PCLO: variants seen among roughly 807,000 people sequenced by gnomAD.
PCLO encodes the protein piccolo presynaptic cytomatrix protein, also known as protein piccolo.
A neutral mutation model predicts 427.5 loss-of-function variants in PCLO; 82 were observed. The ratio of observed to expected loss-of-function variants is 0.19; its 90% confidence interval spans 0.16 to 0.23. The LOEUF (loss-of-function observed/expected upper bound fraction) is 0.23. PCLO is among the 10% of genes least tolerant of loss of function. The probability of loss-of-function intolerance (pLI) is 1.00; values close to 1 mark genes in which losing one functional copy is unlikely to be tolerated. For missense variants in PCLO, 6,239 were observed against 6,115.9 expected (o/e 1.02, Z -0.67); for synonymous variants, 2,357 against 2,155.4 (o/e 1.09, Z -2.59).
At chr7:83,105,158 T>C (rs891840572) in intron 3 of PCLO, among the ~76,000 whole-genome samples, 1 of 152,178 alleles carries the variant, frequency 6.6e-6, no homozygotes, top group Non-Finnish European at 1.5e-5. Context: ...ATGATCCTTA[T>C]GTTTAAATAA....
intron 3 of PCLO, among the ~76,000 whole-genome samples, chr7:82,986,924 T>C (rs973839689): frequency 3.9e-5 from 6 of 151,962 alleles, no homozygotes; most frequent in African/African-American, 1.4e-4. Context: ...AATGAAAATT[T>C]GCAAGGACAG....
At chr7:82,951,756 G>T (rs970447972) in intron 5 of PCLO, 100 bp downstream of exon 5, 41 of 1,464,174 alleles carry the variant, frequency 2.8e-5, no homozygotes, top group Non-Finnish European at 3.5e-5. Context: ...AAGAGAAAAA[G>T]TAACAAAACT....
At chr7:82,824,871 C>A (rs1003733391) in intron 18 of PCLO, among the ~76,000 whole-genome samples, 1 of 151,864 alleles carries the variant, frequency 6.6e-6, no homozygotes, top group Non-Finnish European at 1.5e-5. Flanking sequence ...ATGGCATGAA[C>A]CCAGGAGGCA....
At chr7:83,003,703 A>G (rs1340410061) in intron 3 of PCLO, among the ~76,000 whole-genome samples, 1 of 151,752 alleles carries the variant, frequency 6.6e-6, no homozygotes, top group African/African-American at 2.4e-5. Flanking sequence ...CCCCTTAAGT[A>G]TGCTGCTTGA....
chr7:83,046,425 C>T (rs563092421), intron 3 of PCLO, among the ~76,000 whole-genome samples: 2 of 152,038 alleles, frequency 1.3e-5, no homozygotes, highest in South Asian at 4.2e-4. Flanking sequence ...TAAAGAAATG[C>T]TAATTTTTAA....
chr7:82,786,657 G>A (rs1386304107), intron 22 of PCLO, among the ~76,000 whole-genome samples: 1 of 151,968 alleles, frequency 6.6e-6, no homozygotes, highest in African/African-American at 2.4e-5. Flanking sequence ...GTTTGTTATA[G>A]GTATACACGT....
At chr7:83,005,052 G>C (rs550602469) in intron 3 of PCLO, among the ~76,000 whole-genome samples, 1 of 141,908 alleles carries the variant, frequency 7.0e-6, no homozygotes, top group East Asian at 2.2e-4. Flanking sequence ...AAGATACATT[G>C]TAGGAGGGAA....
rs114102315 is a variant in PCLO at position 82,928,371 on chromosome 7, T to C, written c.11113-11498A>G. Among the ~76,000 whole-genome samples, 1,254 of 152,324 alleles carry C rather than the reference T, an allele frequency of 8.2e-3. 24 individuals are homozygous for C. Among genetic ancestry groups the C allele is most frequent in the African/African-American group, 0.027 (1,130 of 41,572 alleles). ...TCAGTGATTTAGGTCAATTTGTAGATAATCTTTATTTATATAACAGTGTCC... is the reference window on the plus strand; with the variant it reads ...TCAGTGATTTAGGTCAATTTGTAGACAATCTTTATTTATATAACAGTGTCC... On this transcript the variant is annotated intron_variant, in intron 6 of 24. Transcript: ENST00000333891.
Position 82,757,873 on chromosome 7 carries a change from T to A in PCLO, c.*702A>T, listed in dbSNP as rs1304819245. The A allele has an allele frequency of 6.6e-6, 1 of 152,050 alleles. No individual in the cohort carries two copies. Among genetic ancestry groups the A allele is most frequent in the African/African-American group, 2.4e-5 (1 of 41,436 alleles). The allele number at this position is 152,050 out of a possible 1,614,324, so 9.4% of individuals were successfully genotyped here. Reference sequence around the variant, plus strand: ...AATTTTATTTCTACTGAGTATTATCTTCACTCTACCTTGTTTCAAATGATA... The same window carrying A: ...AATTTTATTTCTACTGAGTATTATCATCACTCTACCTTGTTTCAAATGATA... On this transcript the variant is annotated 3_prime_UTR_variant, in exon 25 of 25. Coordinates refer to ENST00000333891, the MANE Select transcript of PCLO (RefSeq NM_033026.6).
intron 3 of PCLO, among the ~76,000 whole-genome samples, chr7:83,076,100 C>T (rs73707470): frequency 0.012 from 1,669 of 144,170 alleles, 37 homozygotes; most frequent in African/African-American, 0.042. Context: ...GCAGACCATT[C>T]CTACACACCA....
intron 9 of PCLO, among the ~76,000 whole-genome samples, chr7:82,896,528 G>C (rs979887014): frequency 6.6e-6 from 1 of 151,640 alleles, no homozygotes; most frequent in Admixed American, 6.6e-5. Flanking sequence ...AGCCTCAAAG[G>C]AGTCTTTGCA....
chr7:82,948,220 GT>G (rs1236640525), intron 6 of PCLO, among the ~76,000 whole-genome samples: 2 of 151,116 alleles, frequency 1.3e-5, no homozygotes, highest in African/African-American at 2.4e-5. Flanking sequence ...TACAACAGAG[GT>G]TTCCTGATTC....
At position 82,916,658 on chromosome 7, in the gene PCLO, C is replaced by G. The variant is rs780410473; in HGVS notation, c.11328G>C (p.Glu3776Asp). ...CTTGTTTCTTTCGAAGTTTTGCAGA[C>G]TCCCTTTCCACAAGATCAAGCTCTC... ...IDRELDLVER[E>D]SAKLRKKQAE... The change falls in exon 7 of 25, where the codon GAG (glutamate) becomes GAC (aspartate). Residue 3776 changes from glutamate (E) to aspartate (D), a missense_variant. Coordinates refer to ENST00000333891, the MANE Select transcript of PCLO (RefSeq NM_033026.6). The G allele has an allele frequency of 8.7e-6, 14 of 1,613,514 alleles. No homozygotes were observed. The East Asian group carries it at 2.9e-4, about 33-fold the overall frequency.
At chr7:82,873,516 G>A (rs1030899163) in intron 10 of PCLO, among the ~76,000 whole-genome samples, 2 of 152,136 alleles carry the variant, frequency 1.3e-5, no homozygotes, top group Admixed American at 1.3e-4. Flanking sequence ...CGCCTACTGT[G>A]TAATGCAGAA....
In PCLO at chr7:82,915,618, A is replaced by C. The variant is rs1407380870; in HGVS notation, c.12368T>G (p.Leu4123Arg). ...DPMEDPYELK[L>R]LKHQIKQEFR... ...TTCCTGTTTAATCTGATGTTTCAGA[A>C]GCTTTAACTCGTAAGGATCCTCCAT... The change falls in exon 7 of 25, where the codon CTT (leucine) becomes CGT (arginine). Residue 4123 changes from leucine to arginine, a missense_variant. Transcript: ENST00000333891. 6.2e-7 allele frequency: 1 copy of C among 1,613,522 alleles called. No homozygotes were observed.
intron 19 of PCLO, 23 bp downstream of exon 19, chr7:82,824,213 C>T: frequency 6.5e-7 from 1 of 1,539,404 alleles, no homozygotes; most frequent in Non-Finnish European, 8.8e-7. Context: ...AAAACTTTTT[C>T]TACTTAAAAA....
At chr7:83,076,241 A>T (rs1327455098) in intron 3 of PCLO, among the ~76,000 whole-genome samples, 1 of 151,804 alleles carries the variant, frequency 6.6e-6, no homozygotes, top group African/African-American at 2.4e-5. Context: ...CAACAAAAGA[A>T]TCTTTCAAAG....
At chr7:82,979,526 C>T (rs1796100389) in intron 3 of PCLO, among the ~76,000 whole-genome samples, 1 of 152,052 alleles carries the variant, frequency 6.6e-6, no homozygotes, top group African/African-American at 2.4e-5. Flanking sequence ...CTACCTGGTT[C>T]CTAACAGTAT....
In PCLO at chr7:82,754,768, C is replaced by T. The variant is rs1056296270; in HGVS notation, c.*3807G>A. The T allele has an allele frequency of 6.6e-6, 1 of 151,968 alleles. No individual in the cohort carries two copies. The highest frequency in any genetic ancestry group is 1.5e-5 in the Non-Finnish European group (1 of 67,940). The allele number at this position is 151,968 out of a possible 1,614,324, so 9.4% of individuals were successfully genotyped here. On this transcript the variant is annotated 3_prime_UTR_variant, in exon 25 of 25. Coordinates refer to ENST00000333891, the MANE Select transcript of PCLO (RefSeq NM_033026.6). ...ATTCATTACTGTATTACACCCAAGG[C>T]AAGTAATTATTAAATAAATAGCTCA...
Sources: allele counts gnomAD v4.1 joint callset (sites outside exome capture counted in the v4.1 genomes callset), GRCh38; gene constraint gnomAD v4.1.1; transcripts MANE v1.5; gene names NCBI Gene and HGNC (gene_info 2026-07-23, HGNC 2026-07-21).